DLGAP1: variants seen among roughly 807,000 people sequenced by gnomAD.
DLGAP1 encodes DLG associated protein 1.
A neutral mutation model predicts 90.8 loss-of-function variants in DLGAP1; 11 were observed. The observed-to-expected ratio is 0.12, with a 90% CI of 0.08 to 0.20. The LOEUF (loss-of-function observed/expected upper bound fraction) is 0.20. Ranked by LOEUF, DLGAP1 falls within the 10% of genes least tolerant of loss-of-function variation. The pLI is 1.00. For missense variants in DLGAP1, 1,050 were observed against 1,333.8 expected (o/e 0.79, Z 3.31); for synonymous variants, 558 against 540.7 (o/e 1.03, Z -0.44).
At chr18:3,610,521 G>A (rs2057556239) in intron 7 of DLGAP1, among the ~76,000 whole-genome samples, 1 of 152,024 alleles carries the variant, frequency 6.6e-6, no homozygotes. Flanking sequence ...CTACTCCTCA[G>A]TAACATCAAG....
chr18:3,561,450 A>C (rs867983056), intron 9 of DLGAP1, among the ~76,000 whole-genome samples: 2 of 142,314 alleles, frequency 1.4e-5, no homozygotes, highest in African/African-American at 5.5e-5. Context: ...AAAAAAAAAA[A>C]AAAAAAAAAC....
At chr18:3,917,285 C>T (rs536955547) in intron 3 of DLGAP1, among the ~76,000 whole-genome samples, 103 of 152,262 alleles carry the variant, frequency 6.8e-4, no homozygotes, top group Admixed American at 1.2e-3. Flanking sequence ...AAAGCAAATG[C>T]GGTGTTTGTT....
chr18:4,113,717 G>C (rs562781731), intron 2 of DLGAP1, among the ~76,000 whole-genome samples: 1 of 151,994 alleles, frequency 6.6e-6, no homozygotes, highest in Admixed American at 6.5e-5. Context: ...GTGTTTCCTA[G>C]CTTTTATTCT....
intron 4 of DLGAP1, among the ~76,000 whole-genome samples, chr18:3,869,243 C>A (rs532939671): frequency 6.6e-6 from 1 of 151,830 alleles, no homozygotes; most frequent in Admixed American, 6.6e-5. Flanking sequence ...ATGGGAAAAC[C>A]TGATCCACTG....
chr18:4,166,472 T>C (rs925463485), intron 1 of DLGAP1, among the ~76,000 whole-genome samples: 2 of 152,158 alleles, frequency 1.3e-5, no homozygotes, highest in African/African-American at 4.8e-5. Flanking sequence ...GGCAGGAGAA[T>C]TGCTTGAACA....
At chr18:3,505,231 T>G (rs771763309) in intron 11 of DLGAP1, among the ~76,000 whole-genome samples, 4 of 152,058 alleles carry the variant, frequency 2.6e-5, no homozygotes, top group African/African-American at 9.7e-5. Flanking sequence ...TGTATAAGGA[T>G]TGTGGTTGAA....
intron 5 of DLGAP1, among the ~76,000 whole-genome samples, chr18:3,795,143 A>G (rs1003971759): frequency 6.6e-6 from 1 of 152,222 alleles, no homozygotes; most frequent in Non-Finnish European, 1.5e-5. Context: ...CAGGATCCAG[A>G]GGATCACAGA....
At chr18:4,132,589 C>G (rs2144223604) in intron 2 of DLGAP1, among the ~76,000 whole-genome samples, 1 of 152,272 alleles carries the variant, frequency 6.6e-6, no homozygotes, top group Non-Finnish European at 1.5e-5. Flanking sequence ...CACTTTCATT[C>G]TGCCAGGTAC....
chr18:4,334,185 C>A (rs1326895119), intron 1 of DLGAP1, among the ~76,000 whole-genome samples: 3 of 151,622 alleles, frequency 2.0e-5, no homozygotes, highest in Non-Finnish European at 4.4e-5. Context: ...TTGTGGTGAG[C>A]CGAGATCGCG....
At chr18:4,320,579 C>T (rs993230129) in intron 1 of DLGAP1, among the ~76,000 whole-genome samples, 3 of 152,204 alleles carry the variant, frequency 2.0e-5, no homozygotes, top group South Asian at 2.1e-4. Flanking sequence ...ATCAATGTGC[C>T]TGAGTCCCCT....
intron 3 of DLGAP1, among the ~76,000 whole-genome samples, chr18:3,940,166 A>G (rs951797292): frequency 7.9e-5 from 12 of 152,228 alleles, no homozygotes; most frequent in African/African-American, 2.9e-4. Flanking sequence ...AGACGTCTAC[A>G]TGGTGAGGAA....
chr18:4,177,073 G>A (rs527972753), intron 1 of DLGAP1, among the ~76,000 whole-genome samples: 1 of 152,110 alleles, frequency 6.6e-6, no homozygotes, highest in Non-Finnish European at 1.5e-5. Flanking sequence ...GTCACTGAAG[G>A]CATAGAGGTG....
At chr18:3,750,110 C>T (rs1347724719) in intron 5 of DLGAP1, among the ~76,000 whole-genome samples, 1 of 152,188 alleles carries the variant, frequency 6.6e-6, no homozygotes, top group Non-Finnish European at 1.5e-5. Context: ...AGTCTTTCGA[C>T]CCTTGTCCCC....
intron 7 of DLGAP1, among the ~76,000 whole-genome samples, chr18:3,707,699 G>A (rs570015066): frequency 6.6e-6 from 1 of 151,984 alleles, no homozygotes; most frequent in African/African-American, 2.4e-5. Flanking sequence ...GGATATATTT[G>A]TCTGTTTTCC....
chr18:3,817,131 T>C (rs912887823), intron 4 of DLGAP1, among the ~76,000 whole-genome samples: 9 of 152,248 alleles, frequency 5.9e-5, no homozygotes, highest in Non-Finnish European at 8.8e-5. Context: ...GGGTCATAGA[T>C]GACGCACACC....
chr18:3,835,293 A>G (rs547365322), intron 4 of DLGAP1, among the ~76,000 whole-genome samples: 2 of 152,350 alleles, frequency 1.3e-5, no homozygotes, highest in African/African-American at 4.8e-5. Flanking sequence ...CACTAATGCC[A>G]TATTTACCAT....
chr18:3,760,153 A>G (rs2063899626), intron 5 of DLGAP1, among the ~76,000 whole-genome samples: 1 of 152,108 alleles, frequency 6.6e-6, no homozygotes, highest in East Asian at 1.9e-4. Flanking sequence ...GCCTCCTTAT[A>G]TGTTTGTTAT....
At chr18:3,799,218 C>G (rs1356855935) in intron 5 of DLGAP1, among the ~76,000 whole-genome samples, 2 of 152,158 alleles carry the variant, frequency 1.3e-5, no homozygotes, top group African/African-American at 4.8e-5. Context: ...CCAGAGAAGT[C>G]ACTCACATAA....
At chr18:4,159,729 C>T (rs368012422) in intron 1 of DLGAP1, among the ~76,000 whole-genome samples, 2 of 152,118 alleles carry the variant, frequency 1.3e-5, no homozygotes, top group South Asian at 2.1e-4. Flanking sequence ...TTGAAAAGGG[C>T]CTTACAATCA....
Sources: gnomAD v4.1 joint callset for allele counts (sites outside exome capture counted in the v4.1 genomes callset) on GRCh38, gnomAD v4.1.1 for gene constraint, MANE v1.5 for transcripts, NCBI Gene and HGNC (gene_info 2026-07-23, HGNC 2026-07-21) for gene names.